The following IFT81 variants were observed in gnomAD, a reference collection of about 807,000 sequenced individuals.
IFT81 encodes intraflagellar transport 81.
IFT81 carries 72 observed loss-of-function variants against 102.6 expected under a neutral mutation model. The ratio of observed to expected loss-of-function variants is 0.70; its 90% CI spans 0.58 to 0.85. The LOEUF (loss-of-function observed/expected upper bound fraction) is 0.85, where lower values mean the gene tolerates loss of function less well. Ranked by LOEUF, IFT81 falls within the 40% of genes least tolerant of loss-of-function variation. The pLI is 0.00. For missense variants in IFT81, 723 were observed against 787.3 expected, an observed-to-expected ratio of 0.92 and a Z score of 0.98; for synonymous variants, 237 against 242.7, an observed-to-expected ratio of 0.98 and a Z score of 0.22.
intron 1 of IFT81, among the ~76,000 whole-genome samples, chr12:110,126,502 G>T (rs1893853263): frequency 6.6e-6 from 1 of 152,102 alleles, no homozygotes; most frequent in Non-Finnish European, 1.5e-5. Flanking sequence ...GTCATTTTAG[G>T]CAGAGAAAGC....
chr12:110,217,033 T>G (rs1190480539), intron 18 of IFT81, among the ~76,000 whole-genome samples: 1 of 152,170 alleles, frequency 6.6e-6, no homozygotes, highest in Non-Finnish European at 1.5e-5. Context: ...TAATATGTCA[T>G]GTATATCCTC....
At chr12:110,179,150 A>G (rs1897176090) in intron 11 of IFT81, among the ~76,000 whole-genome samples, 1 of 152,132 alleles carries the variant, frequency 6.6e-6, no homozygotes, top group Non-Finnish European at 1.5e-5. Context: ...CAGATGCTTG[A>G]TAGCAATATA....
intron 18 of IFT81, among the ~76,000 whole-genome samples, chr12:110,215,575 C>T (rs1324349072): frequency 1.4e-5 from 2 of 144,760 alleles, no homozygotes; most frequent in African/African-American, 5.3e-5. Context: ...GATCTTCTTG[C>T]CTCGGCCTCC....
intron 5 of IFT81, 51 bp from the exon 6 acceptor site, chr12:110,134,897 C>G: frequency 7.4e-7 from 1 of 1,353,656 alleles, no homozygotes; most frequent in Non-Finnish European, 1.0e-6. Context: ...TATCTGTTTC[C>G]TACAGACTGA....
intron 10 of IFT81, among the ~76,000 whole-genome samples, chr12:110,152,351 C>T (rs893340676): frequency 9.8e-5 from 15 of 152,286 alleles, no homozygotes; most frequent in African/African-American, 3.6e-4. Flanking sequence ...GCCATTCTAA[C>T]AGTTGTGAGG....
intron 18 of IFT81, among the ~76,000 whole-genome samples, chr12:110,213,633 CCTTATCTT>C (rs973573772): frequency 3.7e-4 from 56 of 152,256 alleles, no homozygotes; most frequent in African/African-American, 1.3e-3. Flanking sequence ...AGCAACTTCT[CCTTATCTT>C]CTGTTTACTT....
chr12:110,147,032 C>A lies in IFT81; in HGVS notation c.1025C>A (p.Ser342Ter). The A allele has an allele frequency of 1.2e-6, 2 of 1,610,528 alleles. No individual in the cohort carries two copies. The highest frequency in any genetic ancestry group is 1.7e-6 in the Non-Finnish European group (2 of 1,178,422). Residue 342 changes from serine (S) to a stop codon, truncating the protein, a stop_gained, in exon 10 of 19, where the codon TCA becomes TAA. Transcript: ENST00000242591. LOFTEE classifies it high-confidence loss of function. The part of the protein sequence containing the change: ...MRNEPIEGKL[S>*]LYRQQASIIS... ...AATGAGCCCATTGAAGGCAAACTCTCACTGTATAGGCAACAGGTAAGAACA... is the reference window on the plus strand; with the variant it reads ...AATGAGCCCATTGAAGGCAAACTCTAACTGTATAGGCAACAGGTAAGAACA...
intron 8 of IFT81, among the ~76,000 whole-genome samples, chr12:110,139,033 G>A (rs1246776515): frequency 6.6e-6 from 1 of 151,798 alleles, no homozygotes; most frequent in Non-Finnish European, 1.5e-5. Context: ...AGGTAAAATC[G>A]ACATATAATA....
intron 17 of IFT81, among the ~76,000 whole-genome samples, chr12:110,207,033 G>A (rs566270574): frequency 2.0e-5 from 3 of 151,378 alleles, no homozygotes; most frequent in African/African-American, 7.2e-5. Context: ...CTTCTAGCCA[G>A]ATTTTTTTTT....
intron 12 of IFT81, among the ~76,000 whole-genome samples, chr12:110,186,753 A>T (rs1330001836): frequency 1.3e-5 from 2 of 149,692 alleles, no homozygotes; most frequent in Non-Finnish European, 3.0e-5. Context: ...CTGGTCTTGA[A>T]CTCCTGGGTC....
At chr12:110,148,610 G>A (rs1298737886) in intron 10 of IFT81, among the ~76,000 whole-genome samples, 1 of 151,916 alleles carries the variant, frequency 6.6e-6, no homozygotes, top group African/African-American at 2.4e-5. Context: ...GAGTAGCTGG[G>A]ATTACAGGTG....
chr12:110,137,420 T>C (rs1432782399), intron 8 of IFT81, among the ~76,000 whole-genome samples: 1 of 152,032 alleles, frequency 6.6e-6, no homozygotes, highest in East Asian at 1.9e-4. Context: ...AGGGAGGCTG[T>C]CTGGTTTGTG....
chr12:110,132,470 AAAAAAG>A, intron 4 of IFT81, 71 bp from the exon 5 acceptor site: 2 of 672,072 alleles, frequency 3.0e-6, no homozygotes, highest in East Asian at 3.3e-5. Context: ...AAAAAAAAAA[AAAAAAG>A]AAAGAAAGAA....
chr12:110,196,311 G>A (rs1261985691), intron 14 of IFT81, among the ~76,000 whole-genome samples: 2 of 152,118 alleles, frequency 1.3e-5, no homozygotes, highest in Admixed American at 6.5e-5. Context: ...TTGAGGTCAG[G>A]AGTTCGAGAC....
intron 2 of IFT81, 115 bp from the exon 3 acceptor site, chr12:110,127,931 T>C (rs1893942140): frequency 1.4e-6 from 1 of 707,256 alleles, no homozygotes; most frequent in Non-Finnish European, 2.4e-6. Context: ...TAATCTGTTT[T>C]ATGAAGAGAC....
At position 110,203,923 on chromosome 12, in the gene IFT81, C is replaced by T. The variant is rs747127910; in HGVS notation, c.1617C>T (p.Leu539=). The T allele has an allele frequency of 9.3e-6, 15 of 1,613,076 alleles. No individual in the cohort carries two copies. The highest frequency in any genetic ancestry group is 1.2e-5 in the Non-Finnish European group (14 of 1,179,370). ...KSQYDSCAAG[L]ESNRSKLEQE... The stretch of plus-strand genomic sequence containing the variant: ...AGTATGATAGCTGTGCAGCAGGCCT[C>T]GAAAGCAATCGGTCCAAATTAGAAC... The change falls in exon 15 of 19, where the codon CTC becomes CTT. Residue 539 remains leucine (L), a synonymous_variant. Coordinates refer to ENST00000242591, the MANE Select transcript of IFT81 (RefSeq NM_014055.4).
chr12:110,130,140 G>C (rs1894077351), intron 4 of IFT81, among the ~76,000 whole-genome samples: 1 of 152,058 alleles, frequency 6.6e-6, no homozygotes, highest in Non-Finnish European at 1.5e-5. Context: ...TCAAAATAGA[G>C]TCAATATTGA....
intron 9 of IFT81, among the ~76,000 whole-genome samples, chr12:110,144,007 CTT>C (rs536525073): frequency 1.2e-3 from 142 of 123,078 alleles, no homozygotes; most frequent in African/African-American, 4.0e-3. Context: ...CAGGTTATAC[CTT>C]TTTTTTTTTT....
intron 6 of IFT81, 61 bp from the exon 7 acceptor site, chr12:110,135,266 A>T: frequency 9.8e-7 from 1 of 1,019,890 alleles, no homozygotes; most frequent in Non-Finnish European, 1.5e-6. Flanking sequence ...GAGTCACATG[A>T]CATGCTAATT....
Sources: allele counts gnomAD v4.1 joint callset (sites outside exome capture counted in the v4.1 genomes callset), GRCh38; gene constraint gnomAD v4.1.1; transcripts MANE v1.5; gene names NCBI Gene and HGNC (gene_info 2026-07-23, HGNC 2026-07-21).